Variants in VAV3 observed in about 807,000 individuals in gnomAD.
The protein encoded by VAV3 is vav guanine nucleotide exchange factor 3, also known as guanine nucleotide exchange factor VAV3.
A neutral mutation model predicts 131.2 loss-of-function variants in VAV3; 94 were observed. The observed-to-expected ratio is 0.72, with a 90% CI of 0.61 to 0.85. The LOEUF (loss-of-function observed/expected upper bound fraction) is 0.85, where lower values mean the gene tolerates loss of function less well. Ranked by LOEUF, VAV3 falls within the 40% of genes least tolerant of loss-of-function variation. VAV3 has a pLI of 0.00. For synonymous variants in VAV3, 349 were observed against 342.0 expected, an observed-to-expected ratio of 1.02 and a Z score of -0.22; for missense variants, 939 against 1,002.7, an observed-to-expected ratio of 0.94 and a Z score of 0.86.
intron 2 of VAV3, among the ~76,000 whole-genome samples, chr1:107,817,353 G>T (rs914938041): frequency 6.6e-6 from 1 of 152,040 alleles, no homozygotes; most frequent in East Asian, 1.9e-4. Context: ...AGATGCATGA[G>T]ATGTGCACAG....
At chr1:107,806,762 CA>C (rs1029372459) in intron 2 of VAV3, among the ~76,000 whole-genome samples, 1 of 151,476 alleles carries the variant, frequency 6.6e-6, no homozygotes, top group East Asian at 1.9e-4. Context: ...GCTCATCACC[CA>C]AAAAAAAGAA....
chr1:107,705,352 T>TG (rs1042130354), intron 15 of VAV3, among the ~76,000 whole-genome samples: 7 of 123,854 alleles, frequency 5.7e-5, no homozygotes, highest in South Asian at 2.5e-4. Flanking sequence ...TCAACCTGCC[T>TG]GGAAAAAAAA....
At chr1:107,632,600 C>T (rs929931055) in intron 20 of VAV3, among the ~76,000 whole-genome samples, 1 of 152,154 alleles carries the variant, frequency 6.6e-6, no homozygotes, top group Non-Finnish European at 1.5e-5. Flanking sequence ...GTATGGGAAA[C>T]ACTAGATGAA....
At chr1:107,786,771 A>T (rs17235962) in intron 2 of VAV3, among the ~76,000 whole-genome samples, 5,241 of 152,282 alleles carry the variant, frequency 0.034, 198 homozygotes, top group African/African-American at 0.093. Flanking sequence ...CCAAATAAAC[A>T]CAAAAATCTG....
intron 1 of VAV3, among the ~76,000 whole-genome samples, chr1:107,901,814 G>A (rs1470002954): frequency 1.3e-5 from 2 of 152,032 alleles, no homozygotes; most frequent in Admixed American, 6.6e-5. Context: ...AGGCCAAGGC[G>A]GGTGGATCAC....
chr1:107,587,243 G>A (rs866289383), intron 25 of VAV3, among the ~76,000 whole-genome samples: 1 of 152,176 alleles, frequency 6.6e-6, no homozygotes, highest in African/African-American at 2.4e-5. Flanking sequence ...AACCCTAGCC[G>A]AATATGTAGT....
chr1:107,821,464 ATT>A (rs1667787111), intron 2 of VAV3, among the ~76,000 whole-genome samples: 1 of 152,240 alleles, frequency 6.6e-6, no homozygotes, highest in Admixed American at 6.5e-5. Flanking sequence ...AAAACGTGTC[ATT>A]TACACTGTGA....
chr1:107,765,248 T>A (rs887753642), intron 8 of VAV3, 73 bp from the exon 9 acceptor site: 1 of 1,158,004 alleles, frequency 8.6e-7, no homozygotes, highest in East Asian at 2.4e-5. Flanking sequence ...ACAAGCAGAA[T>A]CTTCATCTCT....
chr1:107,810,902 C>G, intron 2 of VAV3, among the ~76,000 whole-genome samples: 1 of 151,680 alleles, frequency 6.6e-6, no homozygotes, highest in East Asian at 1.9e-4. Context: ...AGAGAACCAC[C>G]AAGACAATGG....
At chr1:107,793,994 C>G (rs1666424697) in intron 2 of VAV3, among the ~76,000 whole-genome samples, 1 of 152,234 alleles carries the variant, frequency 6.6e-6, no homozygotes, top group Non-Finnish European at 1.5e-5. Context: ...TTTAGAAAAT[C>G]TGATCTGACT....
intron 2 of VAV3, among the ~76,000 whole-genome samples, chr1:107,813,973 T>A (rs1463006930): frequency 1.1e-5 from 1 of 92,236 alleles, no homozygotes; most frequent in Non-Finnish European, 2.4e-5. Flanking sequence ...CTCCAGTGTG[T>A]GTGTGTGTGT....
chr1:107,708,929 C>T (rs1319570657), intron 15 of VAV3, among the ~76,000 whole-genome samples: 1 of 151,946 alleles, frequency 6.6e-6, no homozygotes, highest in Non-Finnish European at 1.5e-5. Flanking sequence ...CACATATACA[C>T]ACCCGCACAC....
At chr1:107,763,047 A>G (rs1355305345) in intron 9 of VAV3, among the ~76,000 whole-genome samples, 3 of 152,230 alleles carry the variant, frequency 2.0e-5, no homozygotes, top group African/African-American at 4.8e-5. Flanking sequence ...AATAACCACA[A>G]AACAGAAGAC....
chr1:107,713,552 C>T lies in VAV3; in HGVS notation c.1503-8491G>A, dbSNP rs1660911923. Among the ~76,000 whole-genome samples the T allele has an allele frequency of 2.0e-5, 3 of 152,010 alleles. No homozygotes were observed. In the South Asian group the frequency reaches 6.2e-4, roughly 32 times the overall value. On this transcript the variant is annotated intron_variant, in intron 15 of 26. Coordinates refer to ENST00000370056, the MANE Select transcript of VAV3 (RefSeq NM_006113.5). ...TTAAAAAAATAAAATAAAAACAATA[C>T]ATAAAACATGTACTAGCAATCAAAA...
At chr1:107,759,155 G>A (rs1664280007) in intron 10 of VAV3, among the ~76,000 whole-genome samples, 1 of 152,068 alleles carries the variant, frequency 6.6e-6, no homozygotes, top group African/African-American at 2.4e-5. Flanking sequence ...AGCTTTATCC[G>A]AGTAGGGTCT....
At chr1:107,934,949 A>G (rs185292958) in intron 1 of VAV3, among the ~76,000 whole-genome samples, 2 of 152,366 alleles carry the variant, frequency 1.3e-5, no homozygotes, top group African/African-American at 4.8e-5. Context: ...AAGAGTTGGT[A>G]GTACATGAAC....
chr1:107,906,234 C>A (rs1275059657), intron 1 of VAV3, among the ~76,000 whole-genome samples: 3 of 151,944 alleles, frequency 2.0e-5, no homozygotes, highest in African/African-American at 7.3e-5. Flanking sequence ...AGCCACAACC[C>A]TAAGCCAAGG....
intron 19 of VAV3, among the ~76,000 whole-genome samples, chr1:107,661,997 T>C (rs1345970739): frequency 6.6e-6 from 1 of 152,234 alleles, no homozygotes; most frequent in East Asian, 1.9e-4. Flanking sequence ...CAAGTCACTA[T>C]GTGCCTATAA....
intron 19 of VAV3, among the ~76,000 whole-genome samples, chr1:107,643,803 C>A (rs549600374): frequency 7.2e-5 from 11 of 152,200 alleles, no homozygotes; most frequent in Non-Finnish European, 4.4e-5. Flanking sequence ...TTCTTTTGAA[C>A]AACATGCCAG....
Sources: allele counts gnomAD v4.1 joint callset (sites outside exome capture counted in the v4.1 genomes callset), GRCh38; gene constraint gnomAD v4.1.1; transcripts MANE v1.5; gene names NCBI Gene and HGNC (gene_info 2026-07-23, HGNC 2026-07-21).